CFAP46: variants seen among roughly 807,000 people sequenced by gnomAD.
CFAP46 encodes cilia- and flagella-associated protein 46.
CFAP46 carries 245 observed loss-of-function variants against 325.7 expected under a neutral mutation model. The ratio of observed to expected loss-of-function variants is 0.75; its 90% CI spans 0.68 to 0.84. CFAP46 has a LOEUF of 0.84. Ranked by LOEUF, CFAP46 falls within the 40% of genes least tolerant of loss-of-function variation. CFAP46 has a pLI of 0.00. For missense variants in CFAP46, 3,346 were observed against 3,543.0 expected, an observed-to-expected ratio of 0.94 and a Z score of 1.41; for synonymous variants, 1,523 against 1,495.9, an observed-to-expected ratio of 1.02 and a Z score of -0.42.
chr10:132,888,295 C>A (rs1849196717), intron 25 of CFAP46, among the ~76,000 whole-genome samples: 1 of 150,872 alleles, frequency 6.6e-6, no homozygotes, highest in African/African-American at 2.5e-5. Context: ...CTGGGTGCTT[C>A]CATAGCCTGT....
intron 35 of CFAP46, among the ~76,000 whole-genome samples, chr10:132,862,758 C>T (rs1385376355): frequency 2.7e-5 from 4 of 150,670 alleles, no homozygotes; most frequent in Admixed American, 6.6e-5. Context: ...AAGGGCAGAG[C>T]GCACTCCCAT....
Position 132,808,785 on chromosome 10 carries a change from G to A in CFAP46, c.7784C>T (p.Ala2595Val), listed in dbSNP as rs1412140287. The A allele has an allele frequency of 3.1e-6, 5 of 1,599,740 alleles. No homozygotes were observed. In the Admixed American group the frequency reaches 5.2e-5, roughly 17 times the overall value. ...AAAPSHRVVQ[A>V]WTCLPSAAGA... The stretch of plus-strand genomic sequence containing the variant: ...AGCAGCTGATGGGAGGCAGGTCCAG[G>A]CCTGCACTACCCGATGGCTTGGTGC... The change falls in exon 58 of 58, where the codon GCC becomes GTC. Residue 2595 changes from alanine to valine, a missense_variant. Coordinates refer to ENST00000368586, the MANE Select transcript of CFAP46 (RefSeq NM_001200049.3). This position sits in a 1 kb window ranked among gnomAD's most constrained non-coding sequence, Gnocchi z 6.8.
chr10:132,902,178 A>G (rs1286935386), intron 22 of CFAP46, among the ~76,000 whole-genome samples: 5 of 151,968 alleles, frequency 3.3e-5, no homozygotes, highest in African/African-American at 1.2e-4. Flanking sequence ...TATGTTTTCA[A>G]ACGTGTGTAT....
chr10:132,940,501 C>T (rs750662928), intron 4 of CFAP46, among the ~76,000 whole-genome samples: 5 of 152,152 alleles, frequency 3.3e-5, no homozygotes, highest in Admixed American at 1.3e-4. Flanking sequence ...AGCAAAGGCA[C>T]GCTGGGCCGA....
At position 132,889,904 on chromosome 10, in the gene CFAP46, G is replaced by A. The variant is rs937062169; in HGVS notation, c.3304+2429C>T. 1.3e-5 allele frequency among the ~76,000 whole-genome samples: 2 copies of A among 152,228 alleles called. No individual in the cohort carries two copies. The highest frequency in any genetic ancestry group is 2.9e-5 in the Non-Finnish European group (2 of 68,032). On this transcript the variant is annotated intron_variant, in intron 25 of 57. Transcript: ENST00000368586. This position sits in a 1 kb window ranked among gnomAD's most constrained non-coding sequence, Gnocchi z 6.0. ...GACGCTAAGCATTTAGCTGCCAGAC[G>A]TGGTGTGAGTATCTTCCCGTCTGTT...
chr10:132,825,768 CAAAG>C (rs1342278665), intron 50 of CFAP46, among the ~76,000 whole-genome samples: 5 of 152,162 alleles, frequency 3.3e-5, no homozygotes, highest in African/African-American at 9.7e-5. Context: ...CAACAAACCT[CAAAG>C]AACAAAACCC....
chr10:132,816,929 G>A (rs1220986718), intron 50 of CFAP46, among the ~76,000 whole-genome samples: 1 of 152,160 alleles, frequency 6.6e-6, no homozygotes, highest in Non-Finnish European at 1.5e-5. Context: ...GGCACAGTGG[G>A]ATTTGCTTCT....
chr10:132,865,319 C>T (rs1230237793), intron 35 of CFAP46, among the ~76,000 whole-genome samples: 1 of 152,148 alleles, frequency 6.6e-6, no homozygotes, highest in Non-Finnish European at 1.5e-5. Flanking sequence ...AGTGCAGGCG[C>T]CCAGGGTGAG....
At chr10:132,858,774 G>A (rs1362075374) in intron 38 of CFAP46, among the ~76,000 whole-genome samples, 6 of 152,174 alleles carry the variant, frequency 3.9e-5, no homozygotes, top group Admixed American at 3.9e-4. Flanking sequence ...TGTCTGCCAA[G>A]GGCTGGAGGT....
intron 19 of CFAP46, 41 bp downstream of exon 19, chr10:132,912,614 T>TCTCTCTCCTCTCTC (rs1564798496): frequency 2.0e-4 from 139 of 685,102 alleles, no homozygotes; most frequent in Middle Eastern, 3.7e-4. Flanking sequence ...CCTCTCTCTC[T>TCTCTCTCCTCTCTC]CTCTCTCTCT....
In CFAP46 at chr10:132,860,944, G is replaced by A. The variant is rs1848713331; in HGVS notation, c.4929C>T (p.Leu1643=). 6.4e-7 allele frequency: 1 copy of A among 1,550,726 alleles called. No homozygotes were observed. The highest frequency in any genetic ancestry group is 8.7e-7 in the Non-Finnish European group (1 of 1,147,046). ...DEPCAEAQCL[L]LLAQLANKEK... ...CCTTGTTGGCCAACTGTGCGAGGAG[G>A]AGCAGGCACTGGGCCTCTGCACAAG... The change falls in exon 36 of 58, where the codon CTC becomes CTT. Residue 1643 remains leucine, a synonymous_variant. Transcript: ENST00000368586.
chr10:132,893,410 G>T (rs139294863), intron 24 of CFAP46, among the ~76,000 whole-genome samples: 1 of 152,202 alleles, frequency 6.6e-6, no homozygotes, highest in South Asian at 2.1e-4. Flanking sequence ...AGAGGCTCAC[G>T]CCACTTGCAG....
chr10:132,832,929 C>T lies in CFAP46; in HGVS notation c.7117+429G>A, dbSNP rs1429632505. 7.1e-6 allele frequency: 3 copies of T among 423,658 alleles called. No individual in the cohort carries two copies. The Admixed American group carries it at 7.9e-5, about 11-fold the overall frequency. 26.2% of individuals were successfully genotyped at this position (423,658 alleles called of 1,614,324 possible). ...TGTGTGTTTAGCACCAGGATACTGGCACATAGCAGGTATTTTATAAATAGT... is the reference window on the plus strand; with the variant it reads ...TGTGTGTTTAGCACCAGGATACTGGTACATAGCAGGTATTTTATAAATAGT... On this transcript the variant is annotated intron_variant, in intron 50 of 57. Transcript: ENST00000368586. This position sits in a 1 kb window ranked among gnomAD's most constrained non-coding sequence, Gnocchi z 4.1.
At chr10:132,813,049 C>A (rs1419791778) in intron 54 of CFAP46, 152 bp from the exon 55 acceptor site, 10 of 627,280 alleles carry the variant, frequency 1.6e-5, no homozygotes, top group Admixed American at 2.7e-5. Flanking sequence ...AATGCCCACG[C>A]CTCCCTCCTC....
chr10:132,851,629 C>A (rs1364367276), intron 39 of CFAP46, among the ~76,000 whole-genome samples: 1 of 152,216 alleles, frequency 6.6e-6, no homozygotes, highest in African/African-American at 2.4e-5. Context: ...GCTGTCTTTC[C>A]GTCTGGTTCA....
intron 50 of CFAP46, among the ~76,000 whole-genome samples, chr10:132,824,168 CTGTGTGA>C (rs1847974563): frequency 1.8e-5 from 2 of 112,514 alleles, no homozygotes; most frequent in Admixed American, 1.0e-4. Context: ...GTGCTGTGTG[CTGTGTGA>C]GCGCTGATGT....
Position 132,924,728 on chromosome 10 carries a change from A to G in CFAP46, c.1224T>C (p.Ala408=), listed in dbSNP as rs4075501. The G allele has an allele frequency of 0.49, 751,268 of 1,535,074 alleles. 187,363 individuals carry two copies. Among genetic ancestry groups the G allele is most frequent in the African/African-American group, 0.68 (48,886 of 71,782 alleles). Reference sequence around the variant, plus strand: ...GCTTCTCCAGCACGTCCGCAACGCCAGCCAGGGGCTTCCGCAGGTGGTGCC... The same window carrying G: ...GCTTCTCCAGCACGTCCGCAACGCCGGCCAGGGGCTTCCGCAGGTGGTGCC... The part of the protein sequence containing the change: ...NLRHHLRKPL[A]GVADVLEKLD... The change falls in exon 11 of 58, where the codon GCT becomes GCC. Residue 408 remains alanine, a synonymous_variant. Coordinates refer to ENST00000368586, the MANE Select transcript of CFAP46 (RefSeq NM_001200049.3).
intron 50 of CFAP46, among the ~76,000 whole-genome samples, chr10:132,818,856 GAA>G (rs560908251): frequency 1.2e-5 from 1 of 84,738 alleles, no homozygotes. Flanking sequence ...TCCATCTCCA[GAA>G]AAAAAAAAAA....
Position 132,942,409 on chromosome 10 carries a change from C to T in CFAP46, c.49+27G>A, listed in dbSNP as rs911602077. The stretch of plus-strand genomic sequence containing the variant: ...GGCGGGTCCCGGGGCCTCCCCGGGG[C>T]GGGGGTCGTGGCGGGCCTGGGGTCA... On this transcript the variant is annotated intron_variant, in intron 1 of 57. Coordinates refer to ENST00000368586, the MANE Select transcript of CFAP46 (RefSeq NM_001200049.3). 27 of 1,357,318 alleles carry T rather than the reference C, an allele frequency of 2.0e-5. 1 individual carries two copies. The highest frequency in any genetic ancestry group is 2.4e-5 in the Non-Finnish European group (26 of 1,062,140). The allele number at this position is 1,357,318 out of a possible 1,614,324, so 84.1% of individuals were successfully genotyped here.
Sources: gnomAD v4.1 joint callset for allele counts (sites outside exome capture counted in the v4.1 genomes callset) on GRCh38, gnomAD v4.1.1 for gene constraint, Gnocchi (gnomAD v3.1) non-coding constraint, MANE v1.5 for transcripts, NCBI Gene and HGNC (gene_info 2026-07-23, HGNC 2026-07-21) for gene names.